The following SEMA6D variants were observed in gnomAD, a reference collection of about 807,000 sequenced individuals.
SEMA6D encodes the protein semaphorin 6D, also known as semaphorin-6D.
In SEMA6D, 35 loss-of-function variants were observed where a neutral mutation model predicts 106.6. That is an observed-to-expected ratio of 0.33 (90% CI 0.25 to 0.44). The LOEUF is 0.44. Ranked by LOEUF, SEMA6D falls within the 20% of genes least tolerant of loss-of-function variation. The pLI, the probability that SEMA6D is intolerant of heterozygous loss-of-function variation, is 1.00. For synonymous variants in SEMA6D, 499 were observed against 487.7 expected, an observed-to-expected ratio of 1.02 and a Z score of -0.31; for missense variants, 1,185 against 1,345.9, an observed-to-expected ratio of 0.88 and a Z score of 1.87.
At chr15:47,716,767 A>T (rs1051330693), upstream of SEMA6D, among the ~76,000 whole-genome samples, 4 of 152,098 alleles carry the variant, frequency 2.6e-5, no homozygotes, top group Non-Finnish European at 5.9e-5. Context: ...TTGCCTGTAA[A>T]ACCGGGTCAT....
chr15:47,467,109 G>A (rs2042687293), intron 2 of SEMA6D, among the ~76,000 whole-genome samples: 1 of 151,718 alleles, frequency 6.6e-6, no homozygotes, highest in Non-Finnish European at 1.5e-5. Flanking sequence ...CAGTATATAA[G>A]GGTTCCCTTT....
intron 3 of SEMA6D, among the ~76,000 whole-genome samples, chr15:47,536,293 A>G (rs2045160842): frequency 6.6e-6 from 1 of 152,174 alleles, no homozygotes; most frequent in African/African-American, 2.4e-5. Context: ...CGTGGATTTG[A>G]GGAGTATAGA....
chr15:47,419,083 G>C (rs1168822759), intron 2 of SEMA6D, among the ~76,000 whole-genome samples: 1 of 152,112 alleles, frequency 6.6e-6, no homozygotes, highest in Admixed American at 6.5e-5. Context: ...TTTCATGAGA[G>C]AGCTATGTCT....
chr15:47,765,121 A>G lies in SEMA6D; in HGVS notation c.1427+65A>G, dbSNP rs892552844. 4.4e-6 allele frequency: 7 copies of G among 1,573,686 alleles called. No homozygotes were observed. In the African/African-American group the frequency reaches 9.5e-5, roughly 21 times the overall value. On this transcript the variant is annotated intron_variant, in intron 13 of 18. Coordinates refer to ENST00000536845, the MANE Select transcript of SEMA6D (RefSeq NM_001358351.3). ...AAAATTTTCGGCATGTATTTCATCT[A>G]GTCATGTCCTTTTGGTCCTCTAAAT...
intron 3 of SEMA6D, among the ~76,000 whole-genome samples, chr15:47,576,126 A>G (rs183549171): frequency 6.6e-6 from 1 of 152,366 alleles, no homozygotes; most frequent in Non-Finnish European, 1.5e-5. Context: ...TTCAGGAATC[A>G]ATGTATTGCC....
In SEMA6D at chr15:47,255,806, A is replaced by C. The variant is rs573964012; in HGVS notation, c.-239+71388A>C. ...AAGTTTATATTGTGCTTATCTCTAAAAGTGTTATAATTTTGTTTTACATAC... is the reference window on the plus strand; with the variant it reads ...AAGTTTATATTGTGCTTATCTCTAACAGTGTTATAATTTTGTTTTACATAC... On this transcript the variant is annotated intron_variant, in intron 1 of 19. Coordinates refer to the SEMA6D transcript ENST00000558014. Among the ~76,000 whole-genome samples, 11 of 152,268 alleles carry C rather than the reference A, an allele frequency of 7.2e-5. No individual in the cohort carries two copies. The South Asian group carries it at 2.3e-3, about 32-fold the overall frequency.
chr15:47,336,679 G>T (rs1313587210), intron 1 of SEMA6D, among the ~76,000 whole-genome samples: 1 of 152,174 alleles, frequency 6.6e-6, no homozygotes, highest in Non-Finnish European at 1.5e-5. Flanking sequence ...GTTTATACAG[G>T]AGTGTGCTAC....
intron 3 of SEMA6D, among the ~76,000 whole-genome samples, chr15:47,531,047 A>T (rs111410646): frequency 0.02 from 3,038 of 152,308 alleles, 89 homozygotes; most frequent in African/African-American, 0.07. Flanking sequence ...TTATACAAGA[A>T]ATTAAAAATA....
At chr15:47,329,257 C>G (rs1053119229) in intron 1 of SEMA6D, among the ~76,000 whole-genome samples, 1 of 152,152 alleles carries the variant, frequency 6.6e-6, no homozygotes, top group African/African-American at 2.4e-5. Context: ...GCTGAGGGGT[C>G]AGGGAAAGCT....
intron 1 of SEMA6D, among the ~76,000 whole-genome samples, chr15:47,193,422 A>G (rs1452819495): frequency 6.6e-6 from 1 of 152,168 alleles, no homozygotes; most frequent in Non-Finnish European, 1.5e-5. Context: ...GTCTACTGCA[A>G]ATATTCCCAA....
At chr15:47,601,414 G>A (rs2076655997) in intron 4 of SEMA6D, among the ~76,000 whole-genome samples, 1 of 152,084 alleles carries the variant, frequency 6.6e-6, no homozygotes, top group African/African-American at 2.4e-5. Context: ...AATTGAGGAT[G>A]TGTTAATCAC....
intron 4 of SEMA6D, among the ~76,000 whole-genome samples, chr15:47,621,781 A>G (rs1324214883): frequency 6.6e-6 from 1 of 152,218 alleles, no homozygotes; most frequent in African/African-American, 2.4e-5. Flanking sequence ...TCACCTGTCA[A>G]ACAGACATAA....
chr15:47,347,010 G>A (rs910694743), intron 1 of SEMA6D, among the ~76,000 whole-genome samples: 3 of 152,160 alleles, frequency 2.0e-5, no homozygotes, highest in East Asian at 3.9e-4. Flanking sequence ...CCGGGTTCAA[G>A]CGATTCTTGC....
At chr15:47,360,202 G>C (rs2038750947) in intron 1 of SEMA6D, 1 of 152,154 alleles carries the variant, frequency 6.6e-6, no homozygotes, top group Admixed American at 6.5e-5. Flanking sequence ...TAATGATGTT[G>C]GATGTTCCTG....
chr15:47,550,282 G>A (rs140812876), intron 3 of SEMA6D, among the ~76,000 whole-genome samples: 1 of 152,186 alleles, frequency 6.6e-6, no homozygotes, highest in African/African-American at 2.4e-5. Context: ...AATGTTAATG[G>A]TATAAAATAA....
intron 1 of SEMA6D, among the ~76,000 whole-genome samples, chr15:47,407,392 AACAACAACAACAACAACAAAAAAAAC>A: frequency 7.0e-6 from 1 of 141,936 alleles, no homozygotes; most frequent in Non-Finnish European, 1.5e-5. Flanking sequence ...AAAAAACCAA[AACAACAACAACAACAACAAAAAAAAC>A]AAAAAAAACA....
At chr15:47,740,369 A>C (rs557506462) in intron 1 of SEMA6D, among the ~76,000 whole-genome samples, 1 of 152,138 alleles carries the variant, frequency 6.6e-6, no homozygotes, top group South Asian at 2.1e-4. Context: ...AAATACAAAA[A>C]TTTAACTGGG....
chr15:47,743,880 C>G (rs1362546678), intron 1 of SEMA6D, among the ~76,000 whole-genome samples: 1 of 152,126 alleles, frequency 6.6e-6, no homozygotes, highest in South Asian at 2.1e-4. Context: ...CACTGTGGAA[C>G]CTAGTTTTGA....
intron 1 of SEMA6D, among the ~76,000 whole-genome samples, chr15:47,343,477 A>G (rs1046944931): frequency 6.0e-5 from 9 of 151,190 alleles, no homozygotes; most frequent in Admixed American, 1.3e-4. Context: ...TCATTGTTCA[A>G]TTCCCATCTA....
Sources: gnomAD v4.1 joint callset for allele counts (sites outside exome capture counted in the v4.1 genomes callset) on GRCh38, gnomAD v4.1.1 for gene constraint, MANE v1.5 for transcripts, NCBI Gene and HGNC (gene_info 2026-07-23, HGNC 2026-07-21) for gene names.